The following PRKCE variants were observed in gnomAD, a reference collection of about 807,000 sequenced individuals.
The protein encoded by PRKCE is protein kinase C epsilon type.
PRKCE carries 16 observed loss-of-function variants against 85.4 expected under a neutral mutation model. The observed-to-expected ratio is 0.19, with a 90% CI of 0.13 to 0.28. The LOEUF (loss-of-function observed/expected upper bound fraction) is 0.28. PRKCE is among the 10% of genes least tolerant of loss of function. The pLI, the probability that PRKCE is intolerant of heterozygous loss-of-function variation, is 1.00. For synonymous variants in PRKCE, 388 were observed against 371.5 expected, an observed-to-expected ratio of 1.04 and a Z score of -0.51; for missense variants, 573 against 975.2, an observed-to-expected ratio of 0.59 and a Z score of 5.49.
chr2:45,966,338 G>A (rs977009126), intron 2 of PRKCE, among the ~76,000 whole-genome samples: 2 of 152,146 alleles, frequency 1.3e-5, no homozygotes, highest in African/African-American at 4.8e-5. Flanking sequence ...GTGATGCTCT[G>A]TCACACATGT....
At chr2:46,064,091 G>T (rs1667395489) in intron 10 of PRKCE, among the ~76,000 whole-genome samples, 1 of 151,982 alleles carries the variant, frequency 6.6e-6, no homozygotes, top group Non-Finnish European at 1.5e-5. Flanking sequence ...AGACCAGCCT[G>T]GCCAACATGG....
Position 46,139,763 on chromosome 2 carries a change from G to T in PRKCE, c.1593-5330G>T, listed in dbSNP as rs377586946. ...AGAGAGAGAGAGAGAATATATAGAA[G>T]GAGGAAAGAAAAAGAAGAGTAAGGC... On this transcript the variant is annotated intron_variant, in intron 11 of 14. Coordinates refer to ENST00000306156, the MANE Select transcript of PRKCE (RefSeq NM_005400.3). This position sits in a 1 kb window ranked among gnomAD's most constrained non-coding sequence, Gnocchi z 5.2. 2.3e-4 allele frequency among the ~76,000 whole-genome samples: 35 copies of T among 151,458 alleles called. 2 individuals are homozygous for T. In the South Asian group the frequency reaches 7.1e-3, roughly 31 times the overall value.
intron 2 of PRKCE, among the ~76,000 whole-genome samples, chr2:45,861,700 C>A (rs924357223): frequency 6.6e-6 from 1 of 152,072 alleles, no homozygotes; most frequent in Non-Finnish European, 1.5e-5. Context: ...TTCCTTGACC[C>A]AGAAACTGCT....
rs2104729118 is a variant in PRKCE, at chr2:46,001,495, C to T, written c.915C>T (p.Asp305=). Residue 305 remains aspartate (D), a synonymous_variant, in exon 7 of 15, where the codon GAC becomes GAT. Transcript: ENST00000306156. This position sits in a 1 kb window ranked among gnomAD's most constrained non-coding sequence, Gnocchi z 4.4. ...GAGGAATCGCCAAAGTACTGGCCGA[C>T]CTGGGCGTTACCCCAGACAAAATCA... ...DARGIAKVLA[D]LGVTPDKITN... 1 of 1,599,444 alleles carries T rather than the reference C, an allele frequency of 6.3e-7. No homozygotes were observed. Among genetic ancestry groups the T allele is most frequent in the Non-Finnish European group, 8.5e-7 (1 of 1,179,810 alleles).
chr2:45,980,586 C>T (rs1702810226), intron 5 of PRKCE, among the ~76,000 whole-genome samples: 1 of 152,208 alleles, frequency 6.6e-6, no homozygotes, highest in Non-Finnish European at 1.5e-5. Flanking sequence ...CAGTTCTATC[C>T]CCTTGGATGT....
intron 2 of PRKCE, among the ~76,000 whole-genome samples, chr2:45,889,586 G>C (rs964549513): frequency 2.2e-4 from 34 of 151,900 alleles, no homozygotes; most frequent in Admixed American, 1.9e-3. Flanking sequence ...GTGGGGTGGG[G>C]GAAGCCCTCA....
At chr2:45,948,923 A>C (rs1365407813) in intron 2 of PRKCE, among the ~76,000 whole-genome samples, 4 of 152,230 alleles carry the variant, frequency 2.6e-5, no homozygotes, top group Non-Finnish European at 5.9e-5. Flanking sequence ...TATCTGTGAT[A>C]TAGATCTGGT....
At chr2:45,981,855 C>G (rs1702915884) in intron 5 of PRKCE, among the ~76,000 whole-genome samples, 1 of 152,212 alleles carries the variant, frequency 6.6e-6, no homozygotes, top group African/African-American at 2.4e-5. Context: ...CTGCAGGTCT[C>G]TGCCTCTGCA....
intron 2 of PRKCE, among the ~76,000 whole-genome samples, chr2:45,868,534 G>A (rs1693812740): frequency 6.7e-6 from 1 of 150,138 alleles, no homozygotes; most frequent in Non-Finnish European, 1.5e-5. Context: ...ATGTTGGCCA[G>A]GCTGGTCTTG....
At chr2:45,834,095 T>C (rs538589384) in intron 1 of PRKCE, among the ~76,000 whole-genome samples, 1 of 152,300 alleles carries the variant, frequency 6.6e-6, no homozygotes, top group East Asian at 1.9e-4. Flanking sequence ...CTGAGCCTGC[T>C]AAAAAAGAGG....
chr2:45,787,711 C>T (rs1686715935), intron 1 of PRKCE, among the ~76,000 whole-genome samples: 1 of 152,168 alleles, frequency 6.6e-6, no homozygotes, highest in African/African-American at 2.4e-5. Context: ...ACCGTATCAA[C>T]AGAAGAGACC....
At chr2:45,787,290 G>GT (rs945879459) in intron 1 of PRKCE, among the ~76,000 whole-genome samples, 2 of 152,206 alleles carry the variant, frequency 1.3e-5, no homozygotes, top group African/African-American at 4.8e-5. Context: ...AGTTTTGGGG[G>GT]TGGATTTGGA....
At chr2:45,759,372 A>G (rs937933699) in intron 1 of PRKCE, among the ~76,000 whole-genome samples, 1 of 152,198 alleles carries the variant, frequency 6.6e-6, no homozygotes, top group Non-Finnish European at 1.5e-5. Context: ...CACGTGTGAG[A>G]GGAGGAGCCA....
intron 1 of PRKCE, among the ~76,000 whole-genome samples, chr2:45,715,122 A>G (rs900574667): frequency 1.3e-5 from 2 of 152,204 alleles, no homozygotes; most frequent in Non-Finnish European, 2.9e-5. Flanking sequence ...TGAATGCATA[A>G]CTCATTCACT....
chr2:45,751,475 T>A (rs978125095), intron 1 of PRKCE, among the ~76,000 whole-genome samples: 1 of 147,540 alleles, frequency 6.8e-6, no homozygotes, highest in African/African-American at 2.5e-5. Flanking sequence ...TCAAGCATAG[T>A]ACCCTGCATA....
chr2:46,047,076 G>A (rs186686140), intron 10 of PRKCE, among the ~76,000 whole-genome samples: 6 of 152,242 alleles, frequency 3.9e-5, no homozygotes, highest in Admixed American at 2.0e-4. Context: ...TCTGATATTC[G>A]AGAAATGATT....
At chr2:46,044,260 A>G (rs1708384886) in intron 10 of PRKCE, among the ~76,000 whole-genome samples, 1 of 152,232 alleles carries the variant, frequency 6.6e-6, no homozygotes, top group East Asian at 1.9e-4. Context: ...TGGCCCTTAC[A>G]TTCTTATTTA....
chr2:45,669,522 G>A (rs557592725), intron 1 of PRKCE, among the ~76,000 whole-genome samples: 1 of 152,264 alleles, frequency 6.6e-6, no homozygotes, highest in East Asian at 1.9e-4. Context: ...TGATACAGTG[G>A]GGGCTCCAAT....
chr2:45,761,002 G>A (rs182335117), intron 1 of PRKCE, among the ~76,000 whole-genome samples: 89 of 152,078 alleles, frequency 5.9e-4, no homozygotes, highest in African/African-American at 2.1e-3. Context: ...TTCTCAAGGA[G>A]TTTGAAGTCT....
Sources: allele counts gnomAD v4.1 joint callset (sites outside exome capture counted in the v4.1 genomes callset), GRCh38; gene constraint gnomAD v4.1.1; non-coding constraint Gnocchi (gnomAD v3.1); transcripts MANE v1.5; gene names NCBI Gene and HGNC (gene_info 2026-07-23, HGNC 2026-07-21).